SKI: variants seen among roughly 807,000 people sequenced by gnomAD.
SKI encodes ski oncogene.
SKI carries 23 observed loss-of-function variants against 59.3 expected under a neutral mutation model. The observed-to-expected ratio is 0.39, with a 90% CI of 0.28 to 0.55. The LOEUF (loss-of-function observed/expected upper bound fraction) is 0.55. Ranked by LOEUF, SKI falls within the 20% of genes least tolerant of loss-of-function variation. SKI has a pLI of 0.67. For missense variants in SKI, 1,017 were observed against 1,038.9 expected (o/e 0.98, Z 0.29); for synonymous variants, 673 against 488.6 (o/e 1.38, Z -4.98).
At chr1:2,251,150 C>T (rs1639137271) in intron 1 of SKI, among the ~76,000 whole-genome samples, 1 of 152,212 alleles carries the variant, frequency 6.6e-6, no homozygotes, top group Non-Finnish European at 1.5e-5. Flanking sequence ...TCTCCTCCCG[C>T]CTGCCTTCTT....
At chr1:2,298,776 T>G (rs938911109) in intron 1 of SKI, among the ~76,000 whole-genome samples, 15 of 152,218 alleles carry the variant, frequency 9.9e-5, no homozygotes, top group African/African-American at 3.1e-4. Context: ...AAATGGGGCC[T>G]TCTTTGATCA....
At chr1:2,251,748 C>T (rs980979289) in intron 1 of SKI, among the ~76,000 whole-genome samples, 7 of 152,216 alleles carry the variant, frequency 4.6e-5, no homozygotes, top group African/African-American at 1.7e-4. Flanking sequence ...TGTTTGTACA[C>T]GGTGGCTTTT....
At chr1:2,242,587 C>A (rs894875736) in intron 1 of SKI, among the ~76,000 whole-genome samples, 1 of 152,120 alleles carries the variant, frequency 6.6e-6, no homozygotes, top group African/African-American at 2.4e-5. Context: ...TGGTGTGATC[C>A]CAGCTCACTG....
At chr1:2,237,605 C>T (rs1638779716) in intron 1 of SKI, among the ~76,000 whole-genome samples, 1 of 152,198 alleles carries the variant, frequency 6.6e-6, no homozygotes, top group Non-Finnish European at 1.5e-5. Flanking sequence ...ACTGGGGGCA[C>T]AGTTGTTGCA....
At chr1:2,304,133 C>T (rs1298035716) in intron 4 of SKI, 31 bp downstream of exon 4, 4 of 1,609,828 alleles carry the variant, frequency 2.5e-6, no homozygotes, top group East Asian at 2.2e-5. Flanking sequence ...GTGCCTCCTC[C>T]CTGTGGGCTG....
At chr1:2,240,487 TC>T in intron 1 of SKI, 5 of 985,180 alleles carry the variant, frequency 5.1e-6, no homozygotes, top group Non-Finnish European at 6.0e-6. Context: ...CATGAGGAGG[TC>T]CCGTGGGTGG....
chr1:2,236,443 G>C (rs1009080355), intron 1 of SKI, among the ~76,000 whole-genome samples: 1 of 151,728 alleles, frequency 6.6e-6, no homozygotes, highest in African/African-American at 2.4e-5. Context: ...GTCTTGCTCT[G>C]TTGCCCAGGC....
In SKI at chr1:2,306,151, A is replaced by T; in HGVS notation, c.1899A>T (p.Ser633=). 6.3e-7 allele frequency: 1 copy of T among 1,594,174 alleles called. No individual in the cohort carries two copies. Among genetic ancestry groups the T allele is most frequent in the South Asian group, 1.1e-5 (1 of 88,050 alleles). ...AGAAGATGAAAGAGGCCAACGAGTCACGGCTGCGCCTGAAGCGGGAGCTGG... is the reference window on the plus strand; with the variant it reads ...AGAAGATGAAAGAGGCCAACGAGTCTCGGCTGCGCCTGAAGCGGGAGCTGG... ...NEKKMKEANE[S]RLRLKRELEQ... The change falls in exon 6 of 7, where the codon TCA becomes TCT. Residue 633 remains serine, a synonymous_variant. Coordinates refer to ENST00000378536, the MANE Select transcript of SKI (RefSeq NM_003036.4).
intron 1 of SKI, among the ~76,000 whole-genome samples, chr1:2,259,561 G>A (rs1200330328): frequency 6.6e-6 from 1 of 152,154 alleles, no homozygotes; most frequent in Admixed American, 6.5e-5. Flanking sequence ...GCTTTTTGAG[G>A]CATAATTAAC....
In SKI at chr1:2,264,013, T is replaced by TA. The variant is rs34137908; in HGVS notation, c.969+34290dup. On this transcript the variant is annotated intron_variant, in intron 1 of 6. Coordinates refer to ENST00000378536, the MANE Select transcript of SKI (RefSeq NM_003036.4). ...CAACATAGGGAGACACTGTTTCTAT[T>TA]AAAAAAAAAAAAGTTTCGTGGAACT... is the stretch of plus-strand genomic sequence containing the variant. Among the ~76,000 whole-genome samples, 192 of 149,320 alleles carry TA rather than the reference T, an allele frequency of 1.3e-3. No homozygotes were observed. The Middle Eastern group carries it at 0.027, about 21-fold the overall frequency.
At chr1:2,299,096 C>T (rs891681746) in intron 1 of SKI, among the ~76,000 whole-genome samples, 8 of 152,252 alleles carry the variant, frequency 5.3e-5, no homozygotes, top group Non-Finnish European at 8.8e-5. Context: ...TGACTCAGAC[C>T]CCAGTGTTCA....
At position 2,269,962 on chromosome 1, in the gene SKI, G is replaced by A. The variant is rs1420723086; in HGVS notation, c.970-33016G>A. Among the ~76,000 whole-genome samples, 2 of 132,512 alleles carry A rather than the reference G, an allele frequency of 1.5e-5. No individual in the cohort carries two copies. The highest frequency in any genetic ancestry group is 3.3e-5 in the Non-Finnish European group (2 of 61,348). The allele number at this position is 132,512 out of a possible 152,430, so 86.9% of individuals were successfully genotyped here. On this transcript the variant is annotated intron_variant, in intron 1 of 6. Transcript: ENST00000378536. This position sits in a 1 kb window ranked among gnomAD's most constrained non-coding sequence, Gnocchi z 4.7. Reference sequence around the variant, plus strand: ...TGGCGTGGGTCTGGCGGGTCTCGTGGTGCCTGTGGCTGGCGTGGGTCTGGC... The same window carrying A: ...TGGCGTGGGTCTGGCGGGTCTCGTGATGCCTGTGGCTGGCGTGGGTCTGGC...
chr1:2,259,969 T>TG (rs1221558371), intron 1 of SKI, among the ~76,000 whole-genome samples: 1 of 152,252 alleles, frequency 6.6e-6, no homozygotes, highest in African/African-American at 2.4e-5. Flanking sequence ...AAAGCGGCTG[T>TG]GAACATTCGG....
At chr1:2,282,921 A>G (rs1005520535) in intron 1 of SKI, among the ~76,000 whole-genome samples, 3 of 152,120 alleles carry the variant, frequency 2.0e-5, no homozygotes, top group South Asian at 2.1e-4. Context: ...AAGCTGAGCC[A>G]CTGTGTACAC....
intron 1 of SKI, among the ~76,000 whole-genome samples, chr1:2,276,097 T>C (rs1330878245): frequency 2.0e-5 from 3 of 152,228 alleles, no homozygotes; most frequent in Non-Finnish European, 4.4e-5. Context: ...GTTGCTCCGA[T>C]AGGGAGAAGA....
intron 1 of SKI, among the ~76,000 whole-genome samples, chr1:2,241,016 G>A (rs1239560892): frequency 6.6e-6 from 1 of 152,200 alleles, no homozygotes; most frequent in Non-Finnish European, 1.5e-5. Context: ...GGAGCTCTGT[G>A]GCCGCCCCAC....
chr1:2,283,223 C>T lies in SKI; in HGVS notation c.970-19755C>T, dbSNP rs555195301. On this transcript the variant is annotated intron_variant, in intron 1 of 6. Transcript: ENST00000378536. ...GCGCCCCTCCTATGGGTGAGGCTGT[C>T]TGCTTACAGTTGAACACTTCTCCCC... is the stretch of plus-strand genomic sequence containing the variant. 1.8e-3 allele frequency among the ~76,000 whole-genome samples: 273 copies of T among 152,358 alleles called. 3 individuals are homozygous for T. The highest frequency in any genetic ancestry group is 6.0e-3 in the South Asian group (29 of 4,828).
intron 1 of SKI, among the ~76,000 whole-genome samples, chr1:2,237,153 C>A (rs1339517680): frequency 1.3e-5 from 2 of 152,216 alleles, no homozygotes; most frequent in Non-Finnish European, 2.9e-5. Context: ...GACTCCACGA[C>A]AGCTTGTGTG....
In SKI at chr1:2,267,963, T is replaced by A. The variant is rs1404734391; in HGVS notation, c.970-35015T>A. Among the ~76,000 whole-genome samples the A allele has an allele frequency of 6.6e-6, 1 of 152,132 alleles. No homozygotes were observed. Among genetic ancestry groups the A allele is most frequent in the Non-Finnish European group, 1.5e-5 (1 of 68,002 alleles). ...GCCTGTGTGCTGTGGTGGTCGTGGC[T>A]CTGTGGGTGCCGGGCAGAGGCCTCC... On this transcript the variant is annotated intron_variant, in intron 1 of 6. Coordinates refer to ENST00000378536, the MANE Select transcript of SKI (RefSeq NM_003036.4). The surrounding 1 kb of genome is among the most constrained non-coding windows in gnomAD (Gnocchi z 4.1).
Sources: gnomAD v4.1 joint callset for allele counts (sites outside exome capture counted in the v4.1 genomes callset) on GRCh38, gnomAD v4.1.1 for gene constraint, Gnocchi (gnomAD v3.1) non-coding constraint, MANE v1.5 for transcripts, NCBI Gene and HGNC (gene_info 2026-07-23, HGNC 2026-07-21) for gene names.